Variants in ARHGAP18 observed in about 807,000 individuals in gnomAD.
ARHGAP18 encodes Rho GTPase activating protein 18.
ARHGAP18 carries 67 observed loss-of-function variants against 86.2 expected under a neutral mutation model. The observed-to-expected ratio is 0.78, with a 90% confidence interval of 0.64 to 0.95. The LOEUF is 0.95. ARHGAP18 is among the 40% of genes least tolerant of loss of function. The pLI, the probability that ARHGAP18 is intolerant of heterozygous loss-of-function variation, is 0.00. For missense variants in ARHGAP18, 691 were observed against 780.4 expected, an observed-to-expected ratio of 0.89 and a Z score of 1.37; for synonymous variants, 283 against 280.4, an observed-to-expected ratio of 1.01 and a Z score of -0.09.
chr6:129,606,393 G>T (rs1788854476), intron 9 of ARHGAP18, among the ~76,000 whole-genome samples: 1 of 152,096 alleles, frequency 6.6e-6, no homozygotes. Flanking sequence ...GTTCCAACAG[G>T]AATATGTAAA....
intron 5 of ARHGAP18, among the ~76,000 whole-genome samples, chr6:129,628,948 TATAG>T (rs1327478454): frequency 1.3e-5 from 2 of 152,138 alleles, no homozygotes; most frequent in Non-Finnish European, 2.9e-5. Flanking sequence ...AAAAAGTACA[TATAG>T]ATAGATATAG....
At chr6:129,654,987 A>G (rs975952032) in intron 1 of ARHGAP18, among the ~76,000 whole-genome samples, 13 of 152,224 alleles carry the variant, frequency 8.5e-5, no homozygotes, top group African/African-American at 3.1e-4. Flanking sequence ...TCAGAAATCC[A>G]TCACTTCAGA....
intron 1 of ARHGAP18, among the ~76,000 whole-genome samples, chr6:129,684,889 C>T (rs1774400111): frequency 6.6e-6 from 1 of 152,186 alleles, no homozygotes; most frequent in African/African-American, 2.4e-5. Context: ...GAGAAGATAT[C>T]AGCACTAAGA....
At chr6:129,675,537 C>A (rs17057574) in intron 1 of ARHGAP18, among the ~76,000 whole-genome samples, 12,037 of 152,098 alleles carry the variant, frequency 0.079, 1,535 homozygotes, top group African/African-American at 0.27. Context: ...CTGGCAATGT[C>A]ATCTGGAAAG....
intron 10 of ARHGAP18, among the ~76,000 whole-genome samples, chr6:129,601,129 C>T (rs904401830): frequency 6.6e-6 from 1 of 152,160 alleles, no homozygotes; most frequent in Non-Finnish European, 1.5e-5. Flanking sequence ...AGTGTCAGAC[C>T]TCTGGCCTAT....
intron 11 of ARHGAP18, 136 bp from the exon 12 acceptor site, chr6:129,599,492 C>T (rs1788692285): frequency 4.1e-6 from 3 of 728,742 alleles, no homozygotes; most frequent in Admixed American, 7.5e-5. Context: ...ATTTTACATG[C>T]ACTATTCATT....
chr6:129,666,909 C>T (rs1034853121), intron 1 of ARHGAP18, among the ~76,000 whole-genome samples: 3 of 152,110 alleles, frequency 2.0e-5, no homozygotes, highest in Non-Finnish European at 2.9e-5. Flanking sequence ...TTTGTTGATG[C>T]TTAATAGCAC....
At chr6:129,679,122 C>A (rs1774282383) in intron 1 of ARHGAP18, among the ~76,000 whole-genome samples, 1 of 152,134 alleles carries the variant, frequency 6.6e-6, no homozygotes, top group South Asian at 2.1e-4. Context: ...GGTTTTATCT[C>A]TACTGACCCT....
Position 129,638,572 on chromosome 6 carries a change from T to A in ARHGAP18, c.374A>T (p.Glu125Val), listed in dbSNP as rs1411497322. ...KEAGLSNLFGESAGDPQESIV... is the reference protein window; with the variant it reads ...KEAGLSNLFGVSAGDPQESIV... Reference sequence around the variant, plus strand: ...GCTTTCCTGTGGATCTCCAGCAGACTCTCCGAAGAGATTGGATAAACCGGC... The same window carrying A: ...GCTTTCCTGTGGATCTCCAGCAGACACTCCGAAGAGATTGGATAAACCGGC... Residue 125 changes from glutamate (E) to valine (V), a missense_variant, in exon 3 of 15, where the codon GAG (glutamate) becomes GTG (valine). Transcript: ENST00000368149. 1 of 1,614,192 alleles carries A rather than the reference T, an allele frequency of 6.2e-7. No homozygotes were observed. The highest frequency in any genetic ancestry group is 8.5e-7 in the Non-Finnish European group (1 of 1,180,026).
chr6:129,678,293 A>G (rs1439152524), intron 1 of ARHGAP18, among the ~76,000 whole-genome samples: 2 of 152,244 alleles, frequency 1.3e-5, no homozygotes, highest in Non-Finnish European at 2.9e-5. Flanking sequence ...TAAATGCATT[A>G]TGGATTAGAA....
chr6:129,693,416 T>C (rs1774560212), intron 1 of ARHGAP18, among the ~76,000 whole-genome samples: 1 of 152,208 alleles, frequency 6.6e-6, no homozygotes, highest in African/African-American at 2.4e-5. Flanking sequence ...AATGCATCTA[T>C]GGAGTTTCCA....
At chr6:129,623,249 T>G (rs1789270225) in intron 5 of ARHGAP18, among the ~76,000 whole-genome samples, 1 of 152,088 alleles carries the variant, frequency 6.6e-6, no homozygotes, top group African/African-American at 2.4e-5. Flanking sequence ...ATTCAAAAGC[T>G]TAGTCATTAA....
chr6:129,598,185 C>T (rs1237396168), intron 12 of ARHGAP18, among the ~76,000 whole-genome samples: 2 of 151,936 alleles, frequency 1.3e-5, no homozygotes, highest in Non-Finnish European at 2.9e-5. Flanking sequence ...TTCTAAAAGC[C>T]TTTAGGATAA....
At chr6:129,610,886 CA>C (rs1252573243) in intron 8 of ARHGAP18, among the ~76,000 whole-genome samples, 1 of 152,020 alleles carries the variant, frequency 6.6e-6, no homozygotes, top group Admixed American at 6.6e-5. Flanking sequence ...CTTGGCCTCC[CA>C]AAGTGTTTTT....
In ARHGAP18 at chr6:129,576,488, A is replaced by G. The variant is rs1349622869; in HGVS notation, c.*2025T>C. On this transcript the variant is annotated 3_prime_UTR_variant, in exon 15 of 15. Coordinates refer to ENST00000368149, the MANE Select transcript of ARHGAP18 (RefSeq NM_033515.3). ...AAAAATTTGAGATTTTTTAAAGTCC[A>G]TATTTTTTTGTTATTTAAACGTGAT... 6.6e-6 allele frequency: 1 copy of G among 152,230 alleles called. No homozygotes were observed. The highest frequency in any genetic ancestry group is 6.5e-5 in the Admixed American group (1 of 15,284). The allele number at this position is 152,230 out of a possible 1,614,324, so 9.4% of individuals were successfully genotyped here. A position where few individuals can be genotyped will look rare whatever the true frequency, so the allele number is the denominator to read the frequency against.
rs12174253 is a variant in ARHGAP18 at position 129,701,874 on chromosome 6, C to T, written c.113+8150G>A. Among the ~76,000 whole-genome samples the T allele has an allele frequency of 1.8e-4, 28 of 152,266 alleles. 1 individual carries two copies. The East Asian group carries it at 5.0e-3, about 27-fold the overall frequency. ...CTCAGGAGGTAACCAGGCTGGGCAT[C>T]CATCAGGAGCCAAAAGCTCAAGCTG... On this transcript the variant is annotated intron_variant, in intron 1 of 14. Transcript: ENST00000368149.
At position 129,641,830 on chromosome 6, in the gene ARHGAP18, A is replaced by G; in HGVS notation, c.302T>C (p.Val101Ala). The G allele has an allele frequency of 6.2e-7, 1 of 1,613,502 alleles. No individual in the cohort carries two copies. The highest frequency in any genetic ancestry group is 8.5e-7 in the Non-Finnish European group (1 of 1,179,754). Residue 101 changes from valine to alanine, a missense_variant, in exon 2 of 15, where the codon GTC becomes GCC. Transcript: ENST00000368149. ...TTAGTTATTACCATCAGGCTCTTTG[A>G]CAACAACCACCTCTTGATCTTCTTG... ...NSQEDQEVVV[V>A]KEPDEGELEE...
chr6:129,687,074 T>G (rs1774442360), intron 1 of ARHGAP18, among the ~76,000 whole-genome samples: 1 of 146,376 alleles, frequency 6.8e-6, no homozygotes, highest in Non-Finnish European at 1.5e-5. Context: ...TTCACACAAC[T>G]CAGCCTCCGA....
chr6:129,627,487 T>C (rs1046998250), intron 5 of ARHGAP18, among the ~76,000 whole-genome samples: 1 of 152,020 alleles, frequency 6.6e-6, no homozygotes, highest in Non-Finnish European at 1.5e-5. Context: ...CTGAATCTGA[T>C]CAATTTAAAG....
Sources: gnomAD v4.1 joint callset for allele counts (sites outside exome capture counted in the v4.1 genomes callset) on GRCh38, gnomAD v4.1.1 for gene constraint, MANE v1.5 for transcripts, NCBI Gene and HGNC (gene_info 2026-07-23, HGNC 2026-07-21) for gene names.